The following TANC1 variants were observed in gnomAD, a reference collection of about 807,000 sequenced individuals.
TANC1 encodes protein TANC1.
Under a neutral mutation model 149.7 loss-of-function variants are expected in TANC1, and 77 were observed. The ratio of observed to expected loss-of-function variants is 0.51; its 90% CI spans 0.43 to 0.62. The LOEUF is 0.62. Ranked by LOEUF, TANC1 falls within the 20% of genes least tolerant of loss-of-function variation. TANC1 has a pLI of 0.00. For missense variants in TANC1, 1,985 were observed against 2,321.8 expected (o/e 0.85, Z 2.98); for synonymous variants, 854 against 925.0 (o/e 0.92, Z 1.39).
chr2:159,097,908 C>T (rs13414916), intron 4 of TANC1, 74 bp downstream of exon 4: 274,952 of 1,242,178 alleles, frequency 0.22, 32,588 homozygotes, highest in South Asian at 0.35. Flanking sequence ...AACTAGTGCC[C>T]ATGAGAAATC....
chr2:159,098,082 T>G (rs770204065), intron 4 of TANC1, among the ~76,000 whole-genome samples: 2 of 152,232 alleles, frequency 1.3e-5, no homozygotes, highest in Non-Finnish European at 2.9e-5. Context: ...GTACTGATGT[T>G]AACCAGCAAT....
chr2:159,074,484 C>T (rs924622305), intron 3 of TANC1, among the ~76,000 whole-genome samples: 1 of 152,094 alleles, frequency 6.6e-6, no homozygotes, highest in Non-Finnish European at 1.5e-5. Context: ...TGGAGGTAGA[C>T]TCCAGGTTAA....
At chr2:159,030,493 T>TA (rs2039692399) in intron 2 of TANC1, among the ~76,000 whole-genome samples, 1 of 152,216 alleles carries the variant, frequency 6.6e-6, no homozygotes, top group Non-Finnish European at 1.5e-5. Context: ...TTCATAGTTG[T>TA]AATTTCAATA....
At chr2:159,174,568 G>A (rs141822841) in intron 11 of TANC1, among the ~76,000 whole-genome samples, 23 of 152,220 alleles carry the variant, frequency 1.5e-4, no homozygotes, top group South Asian at 6.2e-4. Flanking sequence ...AAGAGGTGCC[G>A]CTGCTCTTGA....
chr2:159,187,597 A>G (rs2057096844), intron 16 of TANC1, among the ~76,000 whole-genome samples: 1 of 152,108 alleles, frequency 6.6e-6, no homozygotes, highest in Admixed American at 6.5e-5. Flanking sequence ...TCCTGATTTC[A>G]TGTAGCCTGG....
intron 22 of TANC1, among the ~76,000 whole-genome samples, chr2:159,220,496 G>T (rs2059636058): frequency 6.6e-6 from 1 of 151,566 alleles, no homozygotes; most frequent in South Asian, 2.1e-4. Flanking sequence ...TAGAGACAGG[G>T]TTTCACCATG....
chr2:159,045,856 T>C (rs1247598856), intron 2 of TANC1, among the ~76,000 whole-genome samples: 2 of 152,190 alleles, frequency 1.3e-5, no homozygotes, highest in Non-Finnish European at 2.9e-5. Context: ...GCATTTTCTA[T>C]GATGCTAACA....
intron 16 of TANC1, among the ~76,000 whole-genome samples, chr2:159,191,215 T>C (rs1230714209): frequency 1.3e-5 from 2 of 152,182 alleles, no homozygotes; most frequent in Admixed American, 6.5e-5. Context: ...TAAATGTAGA[T>C]GGCAGTCCCA....
intron 22 of TANC1, among the ~76,000 whole-genome samples, chr2:159,223,196 C>T (rs1268867767): frequency 2.0e-5 from 3 of 152,224 alleles, no homozygotes; most frequent in Admixed American, 6.5e-5. Context: ...TGAGCCATCA[C>T]GCCCAGCCAG....
chr2:159,169,813 T>G (rs2055002468), intron 9 of TANC1, among the ~76,000 whole-genome samples: 1 of 152,044 alleles, frequency 6.6e-6, no homozygotes, highest in African/African-American at 2.4e-5. Flanking sequence ...GCCAATGTGG[T>G]GAAACCTTAT....
chr2:159,030,249 A>G (rs147727462), intron 2 of TANC1, among the ~76,000 whole-genome samples: 42 of 152,286 alleles, frequency 2.8e-4, no homozygotes, highest in African/African-American at 7.2e-4. Context: ...ATGTCTTTCT[A>G]CGGAATGGTG....
At chr2:159,139,316 C>G (rs2150228498) in intron 5 of TANC1, among the ~76,000 whole-genome samples, 1 of 152,306 alleles carries the variant, frequency 6.6e-6, no homozygotes, top group African/African-American at 2.4e-5. Context: ...ATTTTCTACT[C>G]TAGGAAAAAC....
chr2:159,109,792 C>T (rs796573046), intron 4 of TANC1, among the ~76,000 whole-genome samples: 7 of 152,276 alleles, frequency 4.6e-5, no homozygotes, highest in African/African-American at 1.7e-4. Context: ...CACAGTATCA[C>T]ACCACATGTA....
At chr2:159,165,834 GTT>G in intron 8 of TANC1, among the ~76,000 whole-genome samples, 1 of 152,258 alleles carries the variant, frequency 6.6e-6, no homozygotes, top group African/African-American at 2.4e-5. Context: ...CCAGACCTCT[GTT>G]CACAGCCTCC....
At chr2:159,219,525 T>A (rs1349950794) in intron 21 of TANC1, 164 bp downstream of exon 21, 7 of 1,230,802 alleles carry the variant, frequency 5.7e-6, no homozygotes, top group African/African-American at 3.0e-5. Context: ...CTGGTATTCC[T>A]CTTCAGCAGC....
At chr2:159,175,918 G>T (rs2055804508) in intron 12 of TANC1, among the ~76,000 whole-genome samples, 1 of 152,170 alleles carries the variant, frequency 6.6e-6, no homozygotes, top group African/African-American at 2.4e-5. Flanking sequence ...GTATGGCTTG[G>T]CCAGGGCAGT....
chr2:159,136,049 T>TGTGTGTGTGTGTGCGG, intron 4 of TANC1, 145 bp from the exon 5 acceptor site: 1 of 90,882 alleles, frequency 1.1e-5, no homozygotes, highest in Non-Finnish European at 2.1e-5. Context: ...TGTGTGTGTG[T>TGTGTGTGTGTGTGCGG]GCGCGCGCGC....
chr2:159,179,260 A>G, intron 14 of TANC1, 97 bp downstream of exon 14: 1 of 1,440,430 alleles, frequency 6.9e-7, no homozygotes, highest in African/African-American at 1.4e-5. Flanking sequence ...TGGAAGGGCA[A>G]TCCAGAATGA....
rs758117326 is a variant in TANC1, at chr2:159,065,898, A to G, written c.-13A>G. The G allele has an allele frequency of 5.6e-6, 9 of 1,612,632 alleles. No homozygotes were observed. The highest frequency in any genetic ancestry group is 1.7e-5 in the Admixed American group (1 of 59,996). ...CTCTCTGTTTCTTTTCTCCTTAGAA[A>G]CAAGTGTTGAAAATGTTAAAGGCTG... On this transcript the variant is annotated splice_region_variant and 5_prime_UTR_variant, in exon 3 of 27. Transcript: ENST00000263635.
Sources: allele counts gnomAD v4.1 joint callset (sites outside exome capture counted in the v4.1 genomes callset), GRCh38; gene constraint gnomAD v4.1.1; transcripts MANE v1.5; gene names NCBI Gene and HGNC (gene_info 2026-07-23, HGNC 2026-07-21).